Variants in ARRB1 observed in about 807,000 individuals in gnomAD.
The protein encoded by ARRB1 is beta-arrestin-1.
A neutral mutation model predicts 56.8 loss-of-function variants in ARRB1; 21 were observed. The observed-to-expected ratio is 0.37, with a 90% confidence interval of 0.26 to 0.53. ARRB1 has a LOEUF of 0.53. ARRB1 is among the 20% of genes least tolerant of loss of function. The pLI is 0.88. For synonymous variants in ARRB1, 210 were observed against 218.6 expected, an observed-to-expected ratio of 0.96 and a Z score of 0.35; for missense variants, 424 against 553.7, an observed-to-expected ratio of 0.77 and a Z score of 2.35.
At chr11:75,332,928 C>T (rs1326542513) in intron 1 of ARRB1, among the ~76,000 whole-genome samples, 3 of 151,974 alleles carry the variant, frequency 2.0e-5, no homozygotes, top group Non-Finnish European at 2.9e-5. Context: ...CTGGAAGCTC[C>T]CCCCAACCCC....
intron 1 of ARRB1, among the ~76,000 whole-genome samples, chr11:75,295,795 G>A (rs1277586600): frequency 6.6e-6 from 1 of 152,194 alleles, no homozygotes; most frequent in Non-Finnish European, 1.5e-5. Context: ...CCCACTACAT[G>A]ACAGATGTGT....
At position 75,271,693 on chromosome 11, in the gene ARRB1, G is replaced by A; in HGVS notation, c.1022+8C>T. The A allele has an allele frequency of 6.4e-7, 1 of 1,565,802 alleles. No individual in the cohort carries two copies. Among genetic ancestry groups the A allele is most frequent in the Non-Finnish European group, 8.7e-7 (1 of 1,154,940 alleles). ...GGTGGGTGAACCAGGTGGAAGGGAG[G>A]AATTTACCTGGATGCAAGATCTCCC... On this transcript the variant is annotated splice_region_variant and intron_variant, in intron 13 of 15. Coordinates refer to ENST00000420843, the MANE Select transcript of ARRB1 (RefSeq NM_004041.5).
chr11:75,314,021 G>A (rs1284797668), intron 1 of ARRB1, among the ~76,000 whole-genome samples: 3 of 152,106 alleles, frequency 2.0e-5, no homozygotes, highest in Non-Finnish European at 4.4e-5. Context: ...TCTGGCCTCT[G>A]TCCAGCCTCC....
intron 1 of ARRB1, among the ~76,000 whole-genome samples, chr11:75,330,546 T>TA (rs1947505754): frequency 6.6e-6 from 1 of 152,160 alleles, no homozygotes; most frequent in Non-Finnish European, 1.5e-5. Flanking sequence ...GCCTGGGTAA[T>TA]AAACTCTGCC....
chr11:75,273,018 C>G (rs1946105562), intron 11 of ARRB1, 40 bp from the exon 12 acceptor site: 1 of 1,596,210 alleles, frequency 6.3e-7, no homozygotes, highest in Admixed American at 1.7e-5. Context: ...GGGGCCTTGC[C>G]AGGTGGGCGA....
intron 1 of ARRB1, among the ~76,000 whole-genome samples, chr11:75,349,233 C>G (rs544621961): frequency 1.3e-5 from 2 of 152,262 alleles, no homozygotes; most frequent in African/African-American, 2.4e-5. Context: ...TGGATTTAGC[C>G]GGGCCTTGGC....
At chr11:75,266,622 A>C (rs938644884) in intron 15 of ARRB1, among the ~76,000 whole-genome samples, 19 of 152,146 alleles carry the variant, frequency 1.2e-4, no homozygotes, top group African/African-American at 4.1e-4. Context: ...GGAAGGACTT[A>C]TTCCCACTGT....
At chr11:75,278,497 G>T in intron 8 of ARRB1, 112 bp downstream of exon 8, 1 of 1,455,080 alleles carries the variant, frequency 6.9e-7, no homozygotes, top group South Asian at 1.3e-5. Context: ...TCCTTGGGCT[G>T]GGGATAGAAG....
intron 6 of ARRB1, 184 bp downstream of exon 6, chr11:75,281,778 C>G (rs1946349255): frequency 1.6e-6 from 1 of 631,650 alleles, no homozygotes; most frequent in Admixed American, 2.9e-5. Context: ...AGGCTGACCC[C>G]GTACCTGCTG....
chr11:75,298,033 A>C (rs1230225638), intron 1 of ARRB1, among the ~76,000 whole-genome samples: 2 of 151,470 alleles, frequency 1.3e-5, no homozygotes, highest in Admixed American at 1.3e-4. Context: ...CTGAAGAAAA[A>C]ATAGACAAAA....
Position 75,281,157 on chromosome 11 carries a change from T to A in ARRB1, c.415-15A>T, listed in dbSNP as rs1319148352. 6.3e-7 allele frequency: 1 copy of A among 1,588,190 alleles called. No homozygotes were observed. Among genetic ancestry groups the A allele is most frequent in the Non-Finnish European group, 8.6e-7 (1 of 1,166,268 alleles). Reference sequence around the variant, plus strand: ...ACACCGCAAGCCTGTGGGGAAGGGGTCACTGACCACAGGGCCTTGGAGAAG... The same window carrying A: ...ACACCGCAAGCCTGTGGGGAAGGGGACACTGACCACAGGGCCTTGGAGAAG... On this transcript the variant is annotated splice_polypyrimidine_tract_variant and intron_variant, in intron 6 of 15. Coordinates refer to ENST00000420843, the MANE Select transcript of ARRB1 (RefSeq NM_004041.5).
chr11:75,342,886 TAA>T (rs1591993153), intron 1 of ARRB1, among the ~76,000 whole-genome samples: 2 of 152,268 alleles, frequency 1.3e-5, no homozygotes, highest in East Asian at 3.9e-4. Context: ...TCAAGCAAGG[TAA>T]AGCTGAACAT....
intron 1 of ARRB1, among the ~76,000 whole-genome samples, chr11:75,341,141 T>TTTG (rs535617474): frequency 1.3e-4 from 20 of 152,000 alleles, no homozygotes; most frequent in South Asian, 4.1e-4. Context: ...TGATGGCTTT[T>TTTG]TTGTTGTTGT....
chr11:75,284,434 C>T (rs918986541), intron 3 of ARRB1, 155 bp from the exon 4 acceptor site: 3 of 601,282 alleles, frequency 5.0e-6, no homozygotes, highest in Non-Finnish European at 8.3e-6. Context: ...TGGCACTGCC[C>T]ACCTCCACCA....
chr11:75,274,013 G>A, intron 11 of ARRB1, 61 bp downstream of exon 11: 1 of 1,609,356 alleles, frequency 6.2e-7, no homozygotes, highest in Non-Finnish European at 8.5e-7. Flanking sequence ...GGACCAAGGA[G>A]GGTGTGGCCC....
chr11:75,307,742 T>A lies in ARRB1; in HGVS notation c.21-17703A>T, dbSNP rs544313404. Among the ~76,000 whole-genome samples, 3 of 151,784 alleles carry A rather than the reference T, an allele frequency of 2.0e-5. No homozygotes were observed. In the South Asian group the frequency reaches 6.3e-4, roughly 32 times the overall value. On this transcript the variant is annotated intron_variant, in intron 1 of 15. Coordinates refer to ENST00000420843, the MANE Select transcript of ARRB1 (RefSeq NM_004041.5). ...CCCCTGCCCAGGGTCCCACTCCAAC[T>A]CCCCATTTATGCTCTCCATTGAACT...
At chr11:75,316,459 G>A (rs1947267259) in intron 1 of ARRB1, among the ~76,000 whole-genome samples, 1 of 152,162 alleles carries the variant, frequency 6.6e-6, no homozygotes. Context: ...TAGGCTAGAG[G>A]AACTCCTAAT....
At position 75,268,974 on chromosome 11, in the gene ARRB1, C is replaced by T. The variant is rs779981524; in HGVS notation, c.1023-15G>A. 1 of 1,608,124 alleles carries T rather than the reference C, an allele frequency of 6.2e-7. No homozygotes were observed. The highest frequency in any genetic ancestry group is 8.5e-7 in the Non-Finnish European group (1 of 1,178,074). On this transcript the variant is annotated splice_polypyrimidine_tract_variant and intron_variant, in intron 13 of 15. Transcript: ENST00000420843. The stretch of plus-strand genomic sequence containing the variant: ...CGGCCACGTCGCTGAAACAGAGACC[C>T]AGACCCAGTGAGCCTTGAGCGGACT...
Position 75,262,393 on chromosome 11 carries a change from G to C in ARRB1, c.*3770C>G, listed in dbSNP as rs1272509551. On this transcript the variant is annotated 3_prime_UTR_variant, in exon 16 of 16. Transcript: ENST00000420843. The stretch of plus-strand genomic sequence containing the variant: ...TGCTGGGACCACTATTTTTGGGCAT[G>C]ATATTCCTGAATTGTATCTAAATTT... 6.6e-6 allele frequency: 1 copy of C among 152,282 alleles called. No individual in the cohort carries two copies. Among genetic ancestry groups the C allele is most frequent in the African/African-American group, 2.4e-5 (1 of 41,454 alleles). The allele number at this position is 152,282 out of a possible 1,614,324, so 9.4% of individuals were successfully genotyped here. A position where few individuals can be genotyped will look rare whatever the true frequency, so the allele number is the denominator to read the frequency against.
Sources: allele counts gnomAD v4.1 joint callset (sites outside exome capture counted in the v4.1 genomes callset), GRCh38; gene constraint gnomAD v4.1.1; transcripts MANE v1.5; gene names NCBI Gene and HGNC (gene_info 2026-07-23, HGNC 2026-07-21).